The following CILK1 variants were observed in gnomAD, a reference collection of about 807,000 sequenced individuals.
CILK1 encodes the protein ciliogenesis associated kinase 1, also known as serine/threonine-protein kinase ICK.
CILK1 carries 47 observed loss-of-function variants against 79.2 expected under a neutral mutation model. The ratio of observed to expected loss-of-function variants is 0.59; its 90% CI spans 0.47 to 0.76. CILK1 has a LOEUF of 0.76. CILK1 is among the 30% of genes least tolerant of loss of function. The probability of loss-of-function intolerance (pLI) is 0.00; values close to 1 mark genes in which losing one functional copy is unlikely to be tolerated. For missense variants in CILK1, 660 were observed against 769.5 expected (o/e 0.86, Z 1.68); for synonymous variants, 266 against 275.9 (o/e 0.96, Z 0.36).
At chr6:53,020,977 T>C (rs531638789) in intron 5 of CILK1, among the ~76,000 whole-genome samples, 11 of 152,346 alleles carry the variant, frequency 7.2e-5, no homozygotes, top group Non-Finnish European at 1.0e-4. Flanking sequence ...TGCAGTTATG[T>C]TGGATCCATC....
intron 1 of CILK1, among the ~76,000 whole-genome samples, chr6:53,045,310 CCT>C (rs1406863414): frequency 6.6e-6 from 1 of 152,166 alleles, no homozygotes; most frequent in African/African-American, 2.4e-5. Context: ...TTTGTTTTCC[CCT>C]TTTTCTTCTT....
At chr6:53,031,461 C>A (rs953924182) in intron 4 of CILK1, among the ~76,000 whole-genome samples, 1 of 152,108 alleles carries the variant, frequency 6.6e-6, no homozygotes, top group Non-Finnish European at 1.5e-5. Context: ...TTCCTCCTGG[C>A]TGGGCAAAAC....
chr6:53,060,266 T>C (rs1435011870), intron 1 of CILK1, among the ~76,000 whole-genome samples: 1 of 152,208 alleles, frequency 6.6e-6, no homozygotes, highest in Admixed American at 6.5e-5. Context: ...TGAAAAGGCC[T>C]TTTCTTTGTG....
At chr6:53,030,027 C>G (rs1026633157) in intron 5 of CILK1, among the ~76,000 whole-genome samples, 2 of 152,200 alleles carry the variant, frequency 1.3e-5, no homozygotes, top group African/African-American at 4.8e-5. Context: ...TTAGTAACAA[C>G]AAGCAGCAAT....
intron 4 of CILK1, 113 bp from the exon 5 acceptor site, chr6:53,031,257 A>G: frequency 1.4e-6 from 1 of 718,154 alleles, no homozygotes; most frequent in Non-Finnish European, 2.5e-6. Flanking sequence ...AACACCAAAT[A>G]TAGTCACATG....
chr6:53,028,003 C>T (rs191862845), intron 5 of CILK1, among the ~76,000 whole-genome samples: 65 of 152,230 alleles, frequency 4.3e-4, no homozygotes, highest in African/African-American at 1.4e-3. Context: ...AAAAATTAGC[C>T]GGGTGTGGTG....
intron 11 of CILK1, among the ~76,000 whole-genome samples, chr6:53,010,541 A>G (rs1764514042): frequency 6.6e-6 from 1 of 152,140 alleles, no homozygotes; most frequent in Admixed American, 6.5e-5. Flanking sequence ...AGGCCCCAAA[A>G]ATGCCTCATA....
chr6:53,015,171 T>C (rs1764820408), intron 8 of CILK1, among the ~76,000 whole-genome samples: 1 of 152,268 alleles, frequency 6.6e-6, no homozygotes, highest in Non-Finnish European at 1.5e-5. Flanking sequence ...ATCACTCTTC[T>C]TCTGAACATC....
chr6:53,008,707 C>T (rs780544338), intron 12 of CILK1, among the ~76,000 whole-genome samples: 1 of 152,220 alleles, frequency 6.6e-6, no homozygotes, highest in East Asian at 1.9e-4. Context: ...GCTGGGATTA[C>T]AGGCATGAGC....
chr6:53,014,518 A>T (rs546408039), intron 8 of CILK1, among the ~76,000 whole-genome samples: 1 of 152,374 alleles, frequency 6.6e-6, no homozygotes, highest in African/African-American at 2.4e-5. Flanking sequence ...GTTCTGGATA[A>T]CTGAGTTTTC....
intron 5 of CILK1, among the ~76,000 whole-genome samples, chr6:53,028,017 T>G (rs1435184076): frequency 1.3e-5 from 2 of 151,998 alleles, no homozygotes; most frequent in South Asian, 4.1e-4. Flanking sequence ...TGTGGTGGCA[T>G]GCGCCTGTAG....
rs759250398 is a variant in CILK1, at chr6:53,019,232, G to C, written c.486C>G (p.Thr162=). The C allele has an allele frequency of 1.2e-6, 2 of 1,613,136 alleles. No individual in the cohort carries two copies. The highest frequency in any genetic ancestry group is 2.7e-5 in the African/African-American group (2 of 74,866). The change falls in exon 6 of 14, where the codon ACC becomes ACG. Residue 162 remains threonine, a synonymous_variant. Transcript: ENST00000676107. ...SKPPYTDYVS[T]RWYRAPEVLL... is the part of the protein sequence containing the mutation. ...TTGAGAAAAATGGTATTCACCATCT[G>C]GTAGATACATAATCTGTATATGGAG...
chr6:53,029,619 T>C (rs1160299292), intron 5 of CILK1, among the ~76,000 whole-genome samples: 1 of 152,208 alleles, frequency 6.6e-6, no homozygotes, highest in Non-Finnish European at 1.5e-5. Flanking sequence ...CTACTCACTG[T>C]TAATTTACAT....
intron 1 of CILK1, among the ~76,000 whole-genome samples, chr6:53,058,657 A>G (rs1768137400): frequency 6.6e-6 from 1 of 152,166 alleles, no homozygotes. Context: ...CTTCTCAGAA[A>G]GCCACAGTCA....
intron 3 of CILK1, among the ~76,000 whole-genome samples, chr6:53,034,306 C>T (rs947132863): frequency 3.9e-5 from 6 of 152,286 alleles, no homozygotes; most frequent in African/African-American, 1.4e-4. Context: ...TGGCAGCTCA[C>T]AGCTTTTGTT....
In CILK1 at chr6:53,009,539, C is replaced by A. The variant is rs745489472; in HGVS notation, c.1521G>T (p.Ser507=). The A allele has an allele frequency of 3.7e-6, 6 of 1,610,976 alleles. No individual in the cohort carries two copies. In the East Asian group the frequency reaches 1.1e-4, roughly 30 times the overall value. The change falls in exon 12 of 14, where the codon TCG becomes TCT. Residue 507 remains serine (S), a synonymous_variant. Coordinates refer to ENST00000676107, the MANE Select transcript of CILK1 (RefSeq NM_014920.5). The part of the protein sequence containing the change: ...PGISIRNGIL[S]NPGKEFIPPN... Reference sequence around the variant, plus strand: ...GTGGAATAAATTCCTTGCCTGGATTCGAGAGTATGCCATTTCTTATACTGA... The same window carrying A: ...GTGGAATAAATTCCTTGCCTGGATTAGAGAGTATGCCATTTCTTATACTGA...
intron 5 of CILK1, among the ~76,000 whole-genome samples, chr6:53,029,994 A>T (rs921310098): frequency 6.6e-6 from 1 of 152,108 alleles, no homozygotes; most frequent in Admixed American, 6.6e-5. Flanking sequence ...TATTGATCCA[A>T]CCCCAGCTGG....
At chr6:53,012,564 T>C (rs1335255479) in intron 9 of CILK1, among the ~76,000 whole-genome samples, 2 of 152,230 alleles carry the variant, frequency 1.3e-5, no homozygotes, top group African/African-American at 4.8e-5. Context: ...TAAATATGGA[T>C]GTAAGAAATT....
intron 7 of CILK1, 96 bp downstream of exon 7, chr6:53,018,234 C>T (rs1340086970): frequency 8.6e-7 from 1 of 1,162,276 alleles, no homozygotes; most frequent in Non-Finnish European, 1.3e-6. Flanking sequence ...CTAGAATGGG[C>T]AGGTGCTCAA....
Sources: gnomAD v4.1 joint callset for allele counts (sites outside exome capture counted in the v4.1 genomes callset) on GRCh38, gnomAD v4.1.1 for gene constraint, MANE v1.5 for transcripts, NCBI Gene and HGNC (gene_info 2026-07-23, HGNC 2026-07-21) for gene names.